PCDHGB2: variants seen among roughly 807,000 people sequenced by gnomAD.
PCDHGB2 encodes the protein protocadherin gamma subfamily B, 2.
PCDHGB2 carries 55 observed loss-of-function variants against 59.3 expected under a neutral mutation model. The ratio of observed to expected loss-of-function variants is 0.93; its 90% CI spans 0.75 to 1.16. The LOEUF is 1.16. Ranked by LOEUF, PCDHGB2 falls within the 50% of genes most tolerant of loss-of-function variation. PCDHGB2 has a pLI of 0.00. For synonymous variants in PCDHGB2, 516 were observed against 512.0 expected, an observed-to-expected ratio of 1.01 and a Z score of -0.11; for missense variants, 1,228 against 1,198.5, an observed-to-expected ratio of 1.02 and a Z score of -0.36.
chr5:141,478,594 C>T, intron 1 of PCDHGB2: 2 of 1,569,448 alleles, frequency 1.3e-6, no homozygotes, highest in Non-Finnish European at 1.7e-6. Context: ...TTTTTTATTC[C>T]TACATCATAT....
rs558873325 is a variant in PCDHGB2 at position 141,370,852 on chromosome 5, C to G, written c.2421+8296C>G. On this transcript the variant is annotated intron_variant, in intron 1 of 3. Coordinates refer to ENST00000522605, the MANE Select transcript of PCDHGB2 (RefSeq NM_018923.3). ...CTGGCTCTCACTGGAGCCACATTTG[C>G]CCTGGAATCTGCGCAAGATCCTGAT... The G allele has an allele frequency of 2.0e-5, 33 of 1,614,018 alleles. No individual in the cohort carries two copies. In the South Asian group the frequency reaches 3.4e-4, roughly 17 times the overall value.
In PCDHGB2 at chr5:141,490,309, A is replaced by G. The variant is rs1485303337; in HGVS notation, c.2422-4498A>G. On this transcript the variant is annotated intron_variant, in intron 1 of 3. Transcript: ENST00000522605. The surrounding 1 kb of genome is among the most constrained non-coding windows in gnomAD (Gnocchi z 5.4). ...AGAGGTGCTATTGGCCTCTTTGGCCAACCCTGTCCTAGAGAGCACACCAGT... is the reference window on the plus strand; with the variant it reads ...AGAGGTGCTATTGGCCTCTTTGGCCGACCCTGTCCTAGAGAGCACACCAGT... The G allele has an allele frequency of 2.8e-5, 46 of 1,614,126 alleles. No homozygotes were observed. Among genetic ancestry groups the G allele is most frequent in the Non-Finnish European group, 3.8e-5 (45 of 1,180,056 alleles).
intron 1 of PCDHGB2, chr5:141,393,683 G>A (rs370409157): frequency 9.9e-6 from 16 of 1,613,730 alleles, no homozygotes; most frequent in South Asian, 8.8e-5. Context: ...AACAAACTCC[G>A]TTATTCCAGC....
chr5:141,480,414 CA>C (rs10712552), intron 1 of PCDHGB2, among the ~76,000 whole-genome samples: 43,347 of 147,074 alleles, frequency 0.29, 6,620 homozygotes, highest in African/African-American at 0.4. Flanking sequence ...GACCCTGTCT[CA>C]AAAAAAAAAA....
At chr5:141,399,798 G>T (rs2093890900) in intron 1 of PCDHGB2, 2 of 1,613,118 alleles carry the variant, frequency 1.2e-6, no homozygotes, top group Non-Finnish European at 1.7e-6. Context: ...ACGCACCGCG[G>T]GTGCTGTACC....
At chr5:141,404,399 G>T (rs1269569845) in intron 1 of PCDHGB2, 2 of 1,613,778 alleles carry the variant, frequency 1.2e-6, no homozygotes, top group African/African-American at 1.3e-5. Context: ...TGATAGCAAT[G>T]AGAATTCTAG....
intron 1 of PCDHGB2, among the ~76,000 whole-genome samples, chr5:141,474,773 G>T (rs1290099424): frequency 6.6e-6 from 1 of 152,182 alleles, no homozygotes; most frequent in East Asian, 1.9e-4. Flanking sequence ...ATAGTATGAG[G>T]CTCTAACACT....
At position 141,469,759 on chromosome 5, in the gene PCDHGB2, T is replaced by C. The variant is rs192437401; in HGVS notation, c.2422-25048T>C. On this transcript the variant is annotated intron_variant, in intron 1 of 3. Coordinates refer to ENST00000522605, the MANE Select transcript of PCDHGB2 (RefSeq NM_018923.3). ...ACCTCAAAAATTACAAAAATACATATATACCAGCTTATTTATTACAGCGTT... is the reference window on the plus strand; with the variant it reads ...ACCTCAAAAATTACAAAAATACATACATACCAGCTTATTTATTACAGCGTT... 3.9e-3 allele frequency among the ~76,000 whole-genome samples: 591 copies of C among 152,310 alleles called. 6 individuals are homozygous for C. Among genetic ancestry groups the C allele is most frequent in the Admixed American group, 0.011 (171 of 15,298 alleles).
In PCDHGB2 at chr5:141,423,113, C is replaced by G. The variant is rs2096710947; in HGVS notation, c.2421+60557C>G. On this transcript the variant is annotated intron_variant, in intron 1 of 3. Coordinates refer to ENST00000522605, the MANE Select transcript of PCDHGB2 (RefSeq NM_018923.3). The stretch of plus-strand genomic sequence containing the variant: ...GGGGAGCACACGGGCGAGGTGCGTA[C>G]AGCGCGGGCACTGCTGGACAGAGAC... The G allele has an allele frequency of 1.9e-6, 3 of 1,613,702 alleles. No homozygotes were observed. The highest frequency in any genetic ancestry group is 2.5e-6 in the Non-Finnish European group (3 of 1,179,992).
intron 1 of PCDHGB2, among the ~76,000 whole-genome samples, chr5:141,465,159 A>C (rs1333891587): frequency 6.6e-6 from 1 of 151,952 alleles, no homozygotes; most frequent in East Asian, 1.9e-4. Flanking sequence ...AGGGACTCTA[A>C]ATGTTTATGA....
At chr5:141,408,410 G>C (rs1329403051) in intron 1 of PCDHGB2, 1 of 1,613,932 alleles carries the variant, frequency 6.2e-7, no homozygotes, top group African/African-American at 1.3e-5. Flanking sequence ...GCGAGTGAGC[G>C]CGGAGAAGCT....
At chr5:141,429,396 T>A (rs2097212352) in intron 1 of PCDHGB2, among the ~76,000 whole-genome samples, 1 of 151,520 alleles carries the variant, frequency 6.6e-6, no homozygotes, top group African/African-American at 2.4e-5. Context: ...TTAAAAAAAA[T>A]TGAGATTAAG....
rs201850389 is a variant in PCDHGB2, at chr5:141,371,846, T to A, written c.2421+9290T>A. 284 of 1,613,662 alleles carry A rather than the reference T, an allele frequency of 1.8e-4. 1 individual carries two copies. Among genetic ancestry groups the A allele is most frequent in the Admixed American group, 2.0e-4 (12 of 60,036 alleles). On this transcript the variant is annotated intron_variant, in intron 1 of 3. Coordinates refer to ENST00000522605, the MANE Select transcript of PCDHGB2 (RefSeq NM_018923.3). Reference sequence around the variant, plus strand: ...CCTCGGATCCCGACTTGGGACCTAATGGCCTTGTCTCCTACTACATCGTGG... The same window carrying A: ...CCTCGGATCCCGACTTGGGACCTAAAGGCCTTGTCTCCTACTACATCGTGG...
rs143779180 is a variant in PCDHGB2 at position 141,485,438 on chromosome 5, C to A, written c.2422-9369C>A. The A allele has an allele frequency of 9.9e-6, 16 of 1,614,170 alleles. No individual in the cohort carries two copies. The African/African-American group carries it at 1.3e-4, about 13-fold the overall frequency. Reference sequence around the variant, plus strand: ...CAGCGGAGCCCTGCTCATCAAGAACCCAATCGACCGAGAGGCACTGTGTGG... The same window carrying A: ...CAGCGGAGCCCTGCTCATCAAGAACACAATCGACCGAGAGGCACTGTGTGG... On this transcript the variant is annotated intron_variant, in intron 1 of 3. Coordinates refer to ENST00000522605, the MANE Select transcript of PCDHGB2 (RefSeq NM_018923.3). The surrounding 1 kb of genome is among the most constrained non-coding windows in gnomAD (Gnocchi z 5.7).
At chr5:141,504,303 G>A (rs1157625808) in intron 2 of PCDHGB2, among the ~76,000 whole-genome samples, 4 of 151,938 alleles carry the variant, frequency 2.6e-5, no homozygotes, top group Admixed American at 2.6e-4. Context: ...TTCAACACTC[G>A]GAGTTTCTAA....
chr5:141,400,561 A>G, intron 1 of PCDHGB2: 1 of 1,612,992 alleles, frequency 6.2e-7, no homozygotes, highest in Non-Finnish European at 8.5e-7. Flanking sequence ...TTCATTACCC[A>G]CCCAATTTTC....
chr5:141,476,613 G>T lies in PCDHGB2; in HGVS notation c.2422-18194G>T. On this transcript the variant is annotated intron_variant, in intron 1 of 3. Coordinates refer to ENST00000522605, the MANE Select transcript of PCDHGB2 (RefSeq NM_018923.3). The surrounding 1 kb of genome is among the most constrained non-coding windows in gnomAD (Gnocchi z 7.6). ...AGCGCGCACGATCCCGATGTGGGAA[G>T]CAACTCTTTACAAACCTATGAGCTG... 2 of 1,614,266 alleles carry T rather than the reference G, an allele frequency of 1.2e-6. No homozygotes were observed. The highest frequency in any genetic ancestry group is 2.7e-5 in the African/African-American group (2 of 75,078).
At chr5:141,499,115 C>T (rs940275925) in intron 2 of PCDHGB2, among the ~76,000 whole-genome samples, 16 of 152,124 alleles carry the variant, frequency 1.1e-4, no homozygotes, top group African/African-American at 3.9e-4. Context: ...CACCACTATC[C>T]CTTCTCAGGT....
chr5:141,390,764 G>T, intron 1 of PCDHGB2: 2 of 165,996 alleles, frequency 1.2e-5, no homozygotes, highest in Non-Finnish European at 2.6e-5. Flanking sequence ...TTTGTTTCCT[G>T]TGTTAACTTC....
Sources: gnomAD v4.1 joint callset for allele counts (sites outside exome capture counted in the v4.1 genomes callset) on GRCh38, gnomAD v4.1.1 for gene constraint, Gnocchi (gnomAD v3.1) non-coding constraint, MANE v1.5 for transcripts, NCBI Gene and HGNC (gene_info 2026-07-23, HGNC 2026-07-21) for gene names.